SLC35E4: variants seen among roughly 807,000 people sequenced by gnomAD.
SLC35E4 encodes solute carrier family 35, member E4.
A neutral mutation model predicts 19.3 loss-of-function variants in SLC35E4; 15 were observed. The ratio of observed to expected loss-of-function variants is 0.78; its 90% CI spans 0.52 to 1.20. SLC35E4 has a LOEUF of 1.20. Ranked by LOEUF, SLC35E4 falls within the 50% of genes most tolerant of loss-of-function variation. SLC35E4 has a pLI of 0.00. For synonymous variants in SLC35E4, 219 were observed against 219.9 expected, an observed-to-expected ratio of 1.00 and a Z score of 0.04; for missense variants, 406 against 472.3, an observed-to-expected ratio of 0.86 and a Z score of 1.30.
At chr22:30,651,029 C>G (rs2088200077), downstream of SLC35E4, among the ~76,000 whole-genome samples, 2 of 150,044 alleles carry the variant, frequency 1.3e-5, no homozygotes, top group East Asian at 2.0e-4. Context: ...CTTGTTTGGC[C>G]TGGCCCCCTG....
chr22:30,651,399 G>GTATATA (rs1427700463), downstream of SLC35E4, among the ~76,000 whole-genome samples: 25 of 61,328 alleles, frequency 4.1e-4, no homozygotes, highest in African/African-American at 2.4e-3. Context: ...GTGTGTGTGT[G>GTATATA]TATATATATA....
At chr22:30,641,673 G>C (rs2088039935) in intron 1 of SLC35E4, among the ~76,000 whole-genome samples, 1 of 149,852 alleles carries the variant, frequency 6.7e-6, no homozygotes, top group African/African-American at 2.5e-5. Context: ...AGCCTCCTGA[G>C]TAGCTGGGAC....
At chr22:30,650,107 G>A (rs1021837637), downstream of SLC35E4, among the ~76,000 whole-genome samples, 7 of 149,254 alleles carry the variant, frequency 4.7e-5, 1 homozygote, top group Non-Finnish European at 5.9e-5. Context: ...CGAGGGGGGC[G>A]GATCACCTGA....
intron 1 of SLC35E4, among the ~76,000 whole-genome samples, chr22:30,645,794 A>C (rs1359165590): frequency 6.7e-6 from 1 of 149,826 alleles, no homozygotes; most frequent in Non-Finnish European, 1.5e-5. Context: ...CTGGGATTAC[A>C]GGCATAAGCC....
At chr22:30,660,396 C>T (rs1039659271) in intron 2 of SLC35E4, among the ~76,000 whole-genome samples, 3 of 152,134 alleles carry the variant, frequency 2.0e-5, no homozygotes, top group African/African-American at 7.2e-5. Flanking sequence ...CTTGACCTCC[C>T]TCCTGGGCTC....
chr22:30,667,399 A>AG (rs1405271876), downstream of SLC35E4: 3 of 152,290 alleles, frequency 2.0e-5, no homozygotes, highest in Admixed American at 1.3e-4. Flanking sequence ...TAGGTTTCCT[A>AG]GGGGAGCTGG....
chr22:30,667,355 G>A (rs1446839532), downstream of SLC35E4: 1 of 152,244 alleles, frequency 6.6e-6, no homozygotes, highest in African/African-American at 2.4e-5. Flanking sequence ...AAGAGTTAAC[G>A]AGAGCGAAGC....
At position 30,647,086 on chromosome 22, in the gene SLC35E4, C is replaced by A; in HGVS notation, c.*55C>A. ...ATGGCCCTGGCCTGAATCCAGCCTC[C>A]GCTGTGGCCATAGAAGGAATGGAGA... On this transcript the variant is annotated 3_prime_UTR_variant, in exon 2 of 2. Transcript: ENST00000343605. The A allele has an allele frequency of 6.6e-7, 1 of 1,519,708 alleles. No individual in the cohort carries two copies. Among genetic ancestry groups the A allele is most frequent in the South Asian group, 1.3e-5 (1 of 78,648 alleles). 94.1% of individuals were successfully genotyped at this position (1,519,708 alleles called of 1,614,324 possible). A position where few individuals can be genotyped will look rare whatever the true frequency, so the allele number is the denominator to read the frequency against.
At chr22:30,639,605 C>T (rs1195701606) in intron 1 of SLC35E4, among the ~76,000 whole-genome samples, 2 of 152,172 alleles carry the variant, frequency 1.3e-5, no homozygotes, top group East Asian at 3.9e-4. Flanking sequence ...TTTTAGAGGC[C>T]TACCCTCAGG....
Position 30,646,634 on chromosome 22 carries a change from C to G in SLC35E4, c.656C>G (p.Thr219Ser). 1 of 1,609,770 alleles carries G rather than the reference C, an allele frequency of 6.2e-7. No individual in the cohort carries two copies. The highest frequency in any genetic ancestry group is 1.1e-5 in the South Asian group (1 of 90,806). ...LLQEERLDAVTLLYATSLPSF... is the reference protein window; with the variant it reads ...LLQEERLDAVSLLYATSLPSF... ...CAGGAGGAGAGGCTGGACGCGGTGACCCTGCTTTACGCCACCTCGCTGCCC... is the reference window on the plus strand; with the variant it reads ...CAGGAGGAGAGGCTGGACGCGGTGAGCCTGCTTTACGCCACCTCGCTGCCC... Residue 219 changes from threonine (T) to serine (S), a missense_variant, in exon 2 of 2, where the codon ACC becomes AGC. Physicochemically the swap from Thr to Ser is moderately conservative, Grantham distance 58. Coordinates refer to ENST00000343605, the MANE Select transcript of SLC35E4 (RefSeq NM_001001479.4).
chr22:30,658,168 T>C (rs1430072534), intron 2 of SLC35E4, among the ~76,000 whole-genome samples: 2 of 151,572 alleles, frequency 1.3e-5, no homozygotes, highest in Non-Finnish European at 2.9e-5. Flanking sequence ...CTAAGTAAGA[T>C]AGAGTAAGCA....
intron 2 of SLC35E4, among the ~76,000 whole-genome samples, chr22:30,657,271 C>T (rs1409614543): frequency 1.4e-5 from 1 of 72,204 alleles, no homozygotes; most frequent in East Asian, 5.0e-4. Flanking sequence ...CCTGTCTCTA[C>T]TAAAAACACA....
At chr22:30,653,616 G>A (rs1033778348) in intron 2 of SLC35E4, among the ~76,000 whole-genome samples, 10 of 151,438 alleles carry the variant, frequency 6.6e-5, no homozygotes, top group African/African-American at 1.2e-4. Context: ...CAAGTGACCC[G>A]CCCCCCCTCG....
At chr22:30,661,507 G>A (rs1417883519) in intron 2 of SLC35E4, 2 of 144,950 alleles carry the variant, frequency 1.4e-5, no homozygotes. Context: ...GGAGTGCAAT[G>A]GTGCAAGCTC....
chr22:30,663,307 T>C (rs1440932454), downstream of SLC35E4: 2 of 878,196 alleles, frequency 2.3e-6, no homozygotes, highest in South Asian at 1.9e-5. Context: ...CAACTCTTTT[T>C]TGTGCTCATA....
chr22:30,646,561 G>A (rs2088132514), intron 1 of SLC35E4, 37 bp from the exon 2 acceptor site: 4 of 1,568,438 alleles, frequency 2.6e-6, no homozygotes, highest in Non-Finnish European at 3.5e-6. Context: ...AGGGGGTTGT[G>A]TCCTTCTGGG....
At chr22:30,650,081 C>T (rs1048610729), downstream of SLC35E4, among the ~76,000 whole-genome samples, 4 of 149,600 alleles carry the variant, frequency 2.7e-5, no homozygotes, top group Admixed American at 1.3e-4. Flanking sequence ...CCTGTAATCC[C>T]AGTACTTTGG....
At chr22:30,639,500 C>T (rs1229827991) in intron 1 of SLC35E4, among the ~76,000 whole-genome samples, 11 of 152,122 alleles carry the variant, frequency 7.2e-5, no homozygotes, top group African/African-American at 2.4e-4. Context: ...GGAATTTCCT[C>T]GTCCTAATAA....
At chr22:30,666,899 A>AT (rs2088692119), downstream of SLC35E4, 1 of 152,146 alleles carries the variant, frequency 6.6e-6, no homozygotes, top group Non-Finnish European at 1.5e-5. Context: ...AATGATAACT[A>AT]TTTTTCTCGC....
Sources: gnomAD v4.1 joint callset for allele counts (sites outside exome capture counted in the v4.1 genomes callset) on GRCh38, gnomAD v4.1.1 for gene constraint, MANE v1.5 for transcripts, NCBI Gene and HGNC (gene_info 2026-07-23, HGNC 2026-07-21) for gene names.